The following PROS1 variants were observed in gnomAD, a reference collection of about 807,000 sequenced individuals.
PROS1 encodes the protein protein S, also known as vitamin K-dependent protein S.
PROS1 carries 29 observed loss-of-function variants against 75.9 expected under a neutral mutation model. That is an observed-to-expected ratio of 0.38 (90% CI 0.28 to 0.52). PROS1 has a LOEUF of 0.52. Among genes scored for constraint, PROS1 ranks in the 20% least tolerant of loss-of-function variants. The probability of loss-of-function intolerance (pLI) is 0.83; values close to 1 mark genes in which losing one functional copy is unlikely to be tolerated. For synonymous variants in PROS1, 245 were observed against 280.6 expected (o/e 0.87, Z 1.27); for missense variants, 680 against 810.3 (o/e 0.84, Z 1.95).
rs2107150027 is a variant in PROS1, at chr3:93,893,000, A to G, written c.1088T>C (p.Leu363Pro). 1 of 1,613,576 alleles carries G rather than the reference A, an allele frequency of 6.2e-7. No homozygotes were observed. The highest frequency in any genetic ancestry group is 8.5e-7 in the Non-Finnish European group (1 of 1,179,928). Residue 363 changes from leucine (L) to proline (P), a missense_variant, in exon 10 of 15, where the codon CTT becomes CCT. Physicochemically the swap from Leu to Pro is moderately conservative, Grantham distance 98 (BLOSUM62 -3). Transcript: ENST00000394236. ...ALRGGKIEVQ[L>P]KNEHTSKITT... ...GATTTTGGATGTATGTTCATTCTTA[A>G]GCTGAACTTCAATCTTTCCACCACG... is the stretch of plus-strand genomic sequence containing the variant.
At chr3:93,878,131 T>C (rs372952697) in intron 13 of PROS1, among the ~76,000 whole-genome samples, 135 of 152,274 alleles carry the variant, frequency 8.9e-4, no homozygotes, top group Admixed American at 3.8e-3. Flanking sequence ...ATAAATTAAA[T>C]ATCAAAGACA....
At chr3:93,903,553 C>G (rs1322502586) in intron 6 of PROS1, among the ~76,000 whole-genome samples, 5 of 151,988 alleles carry the variant, frequency 3.3e-5, no homozygotes, top group Non-Finnish European at 1.5e-5. Flanking sequence ...ACCTGTAGTC[C>G]CAGCTACTTG....
At chr3:93,901,777 T>C (rs1329759866) in intron 6 of PROS1, among the ~76,000 whole-genome samples, 2 of 152,222 alleles carry the variant, frequency 1.3e-5, no homozygotes, top group Non-Finnish European at 2.9e-5. Flanking sequence ...TTTGACTGTA[T>C]CATTGTCAAT....
At chr3:93,936,266 G>A (rs975943188) in intron 1 of PROS1, among the ~76,000 whole-genome samples, 3 of 152,164 alleles carry the variant, frequency 2.0e-5, no homozygotes, top group East Asian at 3.9e-4. Context: ...CTATTAAAGG[G>A]GGAAGAGAGG....
At chr3:93,879,944 T>C (rs1267610910) in intron 12 of PROS1, among the ~76,000 whole-genome samples, 2 of 152,186 alleles carry the variant, frequency 1.3e-5, no homozygotes, top group Non-Finnish European at 2.9e-5. Flanking sequence ...ATCTCTATCA[T>C]TGCTTTGTTT....
At chr3:93,909,395 A>G (rs543441463) in intron 4 of PROS1, among the ~76,000 whole-genome samples, 26 of 149,308 alleles carry the variant, frequency 1.7e-4, no homozygotes, top group Non-Finnish European at 2.4e-4. Flanking sequence ...TGATTGCACC[A>G]TTACACTCCA....
intron 6 of PROS1, among the ~76,000 whole-genome samples, chr3:93,901,394 G>A (rs1047153595): frequency 1.3e-5 from 2 of 152,084 alleles, no homozygotes; most frequent in Admixed American, 1.3e-4. Flanking sequence ...TAAGATTAAG[G>A]TCTCTAAGTA....
intron 1 of PROS1, among the ~76,000 whole-genome samples, chr3:93,930,401 A>G (rs1414120388): frequency 3.3e-5 from 5 of 152,216 alleles, no homozygotes; most frequent in African/African-American, 1.2e-4. Context: ...CAACTATGTG[A>G]TTCTTTCTGG....
At chr3:93,936,636 A>C (rs1382011386) in intron 1 of PROS1, among the ~76,000 whole-genome samples, 1 of 152,118 alleles carries the variant, frequency 6.6e-6, no homozygotes, top group Non-Finnish European at 1.5e-5. Flanking sequence ...TGAACTTAAT[A>C]TTGGACTTTC....
chr3:93,950,063 C>A (rs1709469491), intron 1 of PROS1, among the ~76,000 whole-genome samples: 1 of 152,160 alleles, frequency 6.6e-6, no homozygotes, highest in Non-Finnish European at 1.5e-5. Context: ...GGGTCCCACG[C>A]CCATAGAGCT....
chr3:93,938,040 T>G (rs920279529), intron 1 of PROS1, among the ~76,000 whole-genome samples: 1 of 152,152 alleles, frequency 6.6e-6, no homozygotes, highest in Non-Finnish European at 1.5e-5. Context: ...CCCATCCCAA[T>G]GTACATGAAG....
intron 1 of PROS1, among the ~76,000 whole-genome samples, chr3:93,947,143 G>T (rs565343994): frequency 7.3e-4 from 111 of 152,234 alleles, no homozygotes; most frequent in African/African-American, 2.6e-3. Context: ...AGTTAGAATG[G>T]CAATCATTAC....
intron 1 of PROS1, among the ~76,000 whole-genome samples, chr3:93,945,764 T>C (rs1349152463): frequency 6.6e-6 from 1 of 152,132 alleles, no homozygotes; most frequent in Non-Finnish European, 1.5e-5. Context: ...AGGGATGCCC[T>C]CTCTCACCAC....
intron 1 of PROS1, among the ~76,000 whole-genome samples, chr3:93,932,532 G>A (rs1709120754): frequency 6.6e-6 from 1 of 152,172 alleles, no homozygotes; most frequent in African/African-American, 2.4e-5. Flanking sequence ...AAGTACAACT[G>A]AGTCAACTTG....
rs1322334327 is a variant in PROS1, at chr3:93,874,386, T to G, written c.1890A>C (p.Thr630=). 6.2e-7 allele frequency: 1 copy of G among 1,613,392 alleles called. No individual in the cohort carries two copies. The highest frequency in any genetic ancestry group is 8.5e-7 in the Non-Finnish European group (1 of 1,179,496). Residue 630 remains threonine, a synonymous_variant, in exon 15 of 15, where the codon ACA becomes ACC. Coordinates refer to ENST00000394236, the MANE Select transcript of PROS1 (RefSeq NM_000313.4). ...AGCCATTATAAAAGGCATTCACTGG[T>G]GTGGCACTGAATGGAACATCTGTAA... ...GGLPDVPFSA[T]PVNAFYNGCM... is the part of the protein sequence containing the mutation.
chr3:93,888,246 C>T (rs1289046074), intron 10 of PROS1, among the ~76,000 whole-genome samples: 1 of 152,182 alleles, frequency 6.6e-6, no homozygotes, highest in Admixed American at 6.5e-5. Flanking sequence ...CCAATGGCAA[C>T]ACCATGTATG....
chr3:93,912,508 G>A (rs1332404199), intron 3 of PROS1, among the ~76,000 whole-genome samples: 1 of 152,188 alleles, frequency 6.6e-6, no homozygotes, highest in Non-Finnish European at 1.5e-5. Context: ...CTACCATGGT[G>A]AGATAGAATA....
chr3:93,932,293 A>C (rs138521528), intron 1 of PROS1, among the ~76,000 whole-genome samples: 2 of 152,366 alleles, frequency 1.3e-5, no homozygotes, highest in East Asian at 3.9e-4. Flanking sequence ...TTTAAAGTTG[A>C]GTTAATTTTA....
chr3:93,877,336 T>C, intron 13 of PROS1, 145 bp from the exon 14 acceptor site: 3 of 588,720 alleles, frequency 5.1e-6, no homozygotes, highest in Non-Finnish European at 6.0e-6. Flanking sequence ...AAGGGAAAAA[T>C]CACTAATTAT....
Sources: gnomAD v4.1 joint callset for allele counts (sites outside exome capture counted in the v4.1 genomes callset) on GRCh38, gnomAD v4.1.1 for gene constraint, MANE v1.5 for transcripts, NCBI Gene and HGNC (gene_info 2026-07-23, HGNC 2026-07-21) for gene names.